Variants in TMPRSS2 observed in about 807,000 individuals in gnomAD.
TMPRSS2 encodes transmembrane serine protease 2, also known as transmembrane protease serine 2.
Under a neutral mutation model 67.4 loss-of-function variants are expected in TMPRSS2, and 59 were observed. That is an observed-to-expected ratio of 0.88 (90% confidence interval 0.71 to 1.09). The LOEUF is 1.09. Ranked by LOEUF, TMPRSS2 falls within the 50% of genes least tolerant of loss-of-function variation. TMPRSS2 has a pLI of 0.00. For synonymous variants in TMPRSS2, 257 were observed against 257.0 expected, an observed-to-expected ratio of 1.00 and a Z score of 0.00; for missense variants, 668 against 642.7, an observed-to-expected ratio of 1.04 and a Z score of -0.43.
rs1384713718 is a variant in TMPRSS2 at position 41,468,558 on chromosome 21, T to C, written c.1172-20A>G. On this transcript the variant is annotated intron_variant, in intron 11 of 13. Transcript: ENST00000332149. ...TCTTCCCTAAGGACAGGGAGACTTG[T>C]TGAGCTCCCAGTGTTGCCTGCAGCT... 1 of 1,613,382 alleles carries C rather than the reference T, an allele frequency of 6.2e-7. No homozygotes were observed. Among genetic ancestry groups the C allele is most frequent in the African/African-American group, 1.3e-5 (1 of 75,042 alleles).
chr21:41,502,548 C>A (rs1405974126), intron 1 of TMPRSS2: 1 of 985,244 alleles, frequency 1.0e-6, no homozygotes, highest in Non-Finnish European at 1.2e-6. Flanking sequence ...CAGCCAATGA[C>A]CAAATCATCA....
At chr21:41,494,191 G>A (rs2091359777) in intron 3 of TMPRSS2, among the ~76,000 whole-genome samples, 165 bp downstream of exon 3, 1 of 152,364 alleles carries the variant, frequency 6.6e-6, no homozygotes, top group African/African-American at 2.4e-5. Context: ...TGACCCAGCA[G>A]GAAGAGAGTG....
intron 1 of TMPRSS2, 36 bp downstream of exon 1, chr21:41,508,045 A>G: frequency 7.7e-6 from 10 of 1,293,516 alleles, no homozygotes; most frequent in Non-Finnish European, 9.8e-6. Flanking sequence ...CCCAGCCCGG[A>G]CCCCGAGCCG....
chr21:41,502,436 G>A (rs2146506449), intron 1 of TMPRSS2: 1 of 985,384 alleles, frequency 1.0e-6, no homozygotes, highest in African/African-American at 1.7e-5. Context: ...GACTGGTACG[G>A]TTCGAGTTGC....
At chr21:41,488,578 A>C in intron 4 of TMPRSS2, 65 bp from the exon 5 acceptor site, 1 of 1,534,650 alleles carries the variant, frequency 6.5e-7, no homozygotes, top group Non-Finnish European at 8.9e-7. Context: ...TCATGGAGTG[A>C]GGAACACCGT....
At position 41,505,305 on chromosome 21, in the gene TMPRSS2, T is replaced by C. The variant is rs180818774; in HGVS notation, c.-57+2776A>G. On this transcript the variant is annotated intron_variant, in intron 1 of 13. Transcript: ENST00000332149. ...GATGTAATAATTGGGACCAAGGCAA[T>C]GATCCCATATTATTACGAAGATCCC... 1.6e-3 allele frequency among the ~76,000 whole-genome samples: 244 copies of C among 152,300 alleles called. 1 individual carries two copies. Among genetic ancestry groups the C allele is most frequent in the African/African-American group, 5.4e-3 (224 of 41,552 alleles).
intron 11 of TMPRSS2, among the ~76,000 whole-genome samples, chr21:41,469,972 C>T (rs1158448763): frequency 6.6e-6 from 1 of 152,212 alleles, no homozygotes; most frequent in Non-Finnish European, 1.5e-5. Flanking sequence ...GGATGCCCCC[C>T]ACTACCTTCC....
chr21:41,480,913 C>T (rs191228684), intron 5 of TMPRSS2, among the ~76,000 whole-genome samples: 1 of 152,348 alleles, frequency 6.6e-6, no homozygotes, highest in East Asian at 1.9e-4. Flanking sequence ...GTTGGAATTA[C>T]AGGCGTGAGC....
At chr21:41,481,414 A>C (rs544784789) in intron 5 of TMPRSS2, among the ~76,000 whole-genome samples, 1 of 152,176 alleles carries the variant, frequency 6.6e-6, no homozygotes, top group African/African-American at 2.4e-5. Flanking sequence ...TGGAATGCCT[A>C]GAGTAGGAAA....
intron 6 of TMPRSS2, among the ~76,000 whole-genome samples, chr21:41,480,155 G>A (rs1227813383): frequency 1.3e-5 from 2 of 152,156 alleles, no homozygotes; most frequent in African/African-American, 4.8e-5. Context: ...TGGCTGAGAG[G>A]CACCTTGGAA....
chr21:41,489,646 G>T, intron 3 of TMPRSS2, 53 bp from the exon 4 acceptor site: 1 of 1,209,878 alleles, frequency 8.3e-7, no homozygotes, highest in Non-Finnish European at 1.2e-6. Context: ...TAGAAGTCAT[G>T]CTCTCAAATG....
chr21:41,497,441 C>T (rs374686293), intron 2 of TMPRSS2, among the ~76,000 whole-genome samples: 1 of 152,220 alleles, frequency 6.6e-6, no homozygotes, highest in Non-Finnish European at 1.5e-5. Flanking sequence ...CATCTAAGAA[C>T]TTGCCATCCA....
chr21:41,498,174 G>C lies in TMPRSS2; in HGVS notation c.-41C>G. 6.2e-7 allele frequency: 1 copy of C among 1,611,750 alleles called. No homozygotes were observed. Among genetic ancestry groups the C allele is most frequent in the Non-Finnish European group, 8.5e-7 (1 of 1,178,144 alleles). ...AGCATCGAGTAATGATAGGTATCTGGAATGTTCAATATGACCTAGAAGAAA... is the reference window on the plus strand; with the variant it reads ...AGCATCGAGTAATGATAGGTATCTGCAATGTTCAATATGACCTAGAAGAAA... On this transcript the variant is annotated 5_prime_UTR_variant, in exon 2 of 14. Coordinates refer to ENST00000332149, the MANE Select transcript of TMPRSS2 (RefSeq NM_005656.4).
chr21:41,489,519 G>T lies in TMPRSS2; in HGVS notation c.313C>A (p.Leu105Ile). 6.2e-7 allele frequency: 1 copy of T among 1,614,096 alleles called. No individual in the cohort carries two copies. Among genetic ancestry groups the T allele is most frequent in the East Asian group, 2.2e-5 (1 of 44,874 alleles). The change falls in exon 4 of 14, where the codon CTC (leucine) becomes ATC (isoleucine). Residue 105 changes from leucine (L) to isoleucine (I), a missense_variant. By Grantham distance (5) the Leu-to-Ile change is conservative. Coordinates refer to ENST00000332149, the MANE Select transcript of TMPRSS2 (RefSeq NM_005656.4). ...TCCCTGCACTTACTGAACTTCCAGA[G>T]TAGGCCAGCGGCCAGCGCAGCTCCC... ...LVGAALAAGLLWKFMGSKCSN... is the reference protein window; with the variant it reads ...LVGAALAAGLIWKFMGSKCSN...
intron 9 of TMPRSS2, 58 bp downstream of exon 9, chr21:41,473,267 C>G: frequency 6.6e-7 from 1 of 1,509,652 alleles, no homozygotes. Flanking sequence ...CTCAAGGTCA[C>G]AGGGTGGCTG....
intron 1 of TMPRSS2, among the ~76,000 whole-genome samples, chr21:41,503,921 G>T (rs1053609900): frequency 3.3e-5 from 5 of 152,120 alleles, no homozygotes; most frequent in Non-Finnish European, 1.5e-5. Context: ...AGAAAGCATG[G>T]TCTCCCATGA....
intron 11 of TMPRSS2, chr21:41,468,826 C>G: frequency 2.8e-6 from 1 of 352,786 alleles, no homozygotes; most frequent in Non-Finnish European, 5.3e-6. Context: ...GAATCCCCCT[C>G]TTATTCACCC....
rs1403047521 is a variant in TMPRSS2, at chr21:41,464,341, T to C, written c.*1801A>G. Among the ~76,000 whole-genome samples, 7 of 152,158 alleles carry C rather than the reference T, an allele frequency of 4.6e-5. No homozygotes were observed. Among genetic ancestry groups the C allele is most frequent in the South Asian group, 2.1e-4 (1 of 4,830 alleles). On this transcript the variant is annotated 3_prime_UTR_variant, in exon 14 of 14. Transcript: ENST00000332149. ...CTTGGGTATGTCTTTATTAGGAGCA[T>C]GGAAACAGACTAATAGAATAATAAG...
intron 8 of TMPRSS2, among the ~76,000 whole-genome samples, chr21:41,476,240 G>T (rs2091211494): frequency 6.6e-6 from 1 of 152,184 alleles, no homozygotes; most frequent in African/African-American, 2.4e-5. Flanking sequence ...TTAGGTGGCT[G>T]CCAGGGCTCA....
Sources: allele counts gnomAD v4.1 joint callset (sites outside exome capture counted in the v4.1 genomes callset), GRCh38; gene constraint gnomAD v4.1.1; transcripts MANE v1.5; gene names NCBI Gene and HGNC (gene_info 2026-07-23, HGNC 2026-07-21).